RAD51B: variants seen among roughly 807,000 people sequenced by gnomAD.
RAD51B encodes the protein DNA repair protein RAD51 homolog 2.
Under a neutral mutation model 42.2 loss-of-function variants are expected in RAD51B, and 38 were observed. The ratio of observed to expected loss-of-function variants is 0.90; its 90% CI spans 0.70 to 1.18. The LOEUF (loss-of-function observed/expected upper bound fraction) is 1.18, where lower values mean the gene tolerates loss of function less well. Among genes scored for constraint, RAD51B ranks in the 50% most tolerant of loss-of-function variants. The pLI is 0.00. For missense variants in RAD51B, 373 were observed against 400.7 expected (o/e 0.93, Z 0.59); for synonymous variants, 154 against 145.2 (o/e 1.06, Z -0.43).
chr14:68,424,805 T>G (rs60995795), intron 9 of RAD51B, among the ~76,000 whole-genome samples: 29 of 152,296 alleles, frequency 1.9e-4, no homozygotes, highest in African/African-American at 7.0e-4. Flanking sequence ...GACAGGGTCT[T>G]GCTGTGTCGC....
At chr14:68,236,897 A>G (rs998679917) in intron 7 of RAD51B, among the ~76,000 whole-genome samples, 9 of 152,226 alleles carry the variant, frequency 5.9e-5, no homozygotes, top group African/African-American at 2.2e-4. Context: ...TGTCATTTGT[A>G]TGCAGCCCCT....
At chr14:68,074,687 G>T (rs1435917324) in intron 7 of RAD51B, among the ~76,000 whole-genome samples, 2 of 152,186 alleles carry the variant, frequency 1.3e-5, no homozygotes, top group Non-Finnish European at 2.9e-5. Context: ...TGTAATTTGA[G>T]TGTAGTCAGT....
intron 10 of RAD51B, among the ~76,000 whole-genome samples, chr14:68,548,315 C>A (rs1888342141): frequency 6.6e-6 from 1 of 152,152 alleles, no homozygotes; most frequent in Non-Finnish European, 1.5e-5. Flanking sequence ...CCCAGCCCAG[C>A]CCTGCCCAGC....
At chr14:68,362,943 C>G (rs2083061780) in intron 8 of RAD51B, among the ~76,000 whole-genome samples, 1 of 152,120 alleles carries the variant, frequency 6.6e-6, no homozygotes, top group African/African-American at 2.4e-5. Flanking sequence ...TTGTGAAAGG[C>G]AAATGCCTCT....
intron 10 of RAD51B, among the ~76,000 whole-genome samples, chr14:68,610,110 G>A (rs1388877509): frequency 1.3e-5 from 2 of 152,068 alleles, no homozygotes; most frequent in African/African-American, 4.8e-5. Flanking sequence ...TAGACACCCT[G>A]CAGAACTTCT....
chr14:68,087,390 C>T (rs1248778327), intron 7 of RAD51B, among the ~76,000 whole-genome samples: 2 of 152,114 alleles, frequency 1.3e-5, no homozygotes, highest in African/African-American at 4.8e-5. Flanking sequence ...TACCTCTAGC[C>T]AGTCTACCTT....
chr14:68,031,367 A>T (rs1191955078), intron 7 of RAD51B, among the ~76,000 whole-genome samples: 10 of 152,226 alleles, frequency 6.6e-5, no homozygotes, highest in African/African-American at 9.7e-5. Context: ...CCTGGGGATG[A>T]TTACAATTCA....
chr14:68,379,288 A>G (rs1379615544), intron 8 of RAD51B, among the ~76,000 whole-genome samples: 1 of 152,222 alleles, frequency 6.6e-6, no homozygotes, highest in Non-Finnish European at 1.5e-5. Context: ...TAAAATTTAT[A>G]TATTGGAGAT....
chr14:68,199,105 C>T (rs1220327833), intron 7 of RAD51B, among the ~76,000 whole-genome samples: 2 of 152,176 alleles, frequency 1.3e-5, no homozygotes, highest in Non-Finnish European at 2.9e-5. Context: ...TTATTCCTCG[C>T]ATGACATGAT....
intron 7 of RAD51B, among the ~76,000 whole-genome samples, chr14:68,056,000 T>G (rs1476723984): frequency 6.6e-6 from 1 of 152,154 alleles, no homozygotes; most frequent in African/African-American, 2.4e-5. Flanking sequence ...AAGAAATGAC[T>G]TTTTTAGTGC....
chr14:68,232,635 C>T (rs1013910081), intron 7 of RAD51B, among the ~76,000 whole-genome samples: 1 of 152,208 alleles, frequency 6.6e-6, no homozygotes, highest in African/African-American at 2.4e-5. Flanking sequence ...TTTGTCAAGT[C>T]AGAGTGAACA....
chr14:68,631,069 G>A (rs1051274173), intron 10 of RAD51B, among the ~76,000 whole-genome samples: 1 of 152,140 alleles, frequency 6.6e-6, no homozygotes, highest in African/African-American at 2.4e-5. Flanking sequence ...CGCTGAAAGT[G>A]GGATTATGTA....
At chr14:68,353,243 G>C (rs935295116) in intron 8 of RAD51B, among the ~76,000 whole-genome samples, 1 of 152,170 alleles carries the variant, frequency 6.6e-6, no homozygotes, top group Non-Finnish European at 1.5e-5. Context: ...AAAAAGTTTA[G>C]ACACTGAATT....
chr14:67,855,740 T>A (rs1394036969), intron 4 of RAD51B, among the ~76,000 whole-genome samples: 1 of 152,230 alleles, frequency 6.6e-6, no homozygotes, highest in Non-Finnish European at 1.5e-5. Context: ...ATTTTTTTGC[T>A]CATGGGTCTC....
intron 7 of RAD51B, among the ~76,000 whole-genome samples, chr14:68,036,154 A>C (rs1165598116): frequency 6.6e-6 from 1 of 152,214 alleles, no homozygotes; most frequent in Non-Finnish European, 1.5e-5. Flanking sequence ...TTTTATGAGC[A>C]TTATTTATTG....
At chr14:68,602,506 C>CTAGATAGCTAGA (rs1891262466) in intron 10 of RAD51B, among the ~76,000 whole-genome samples, 1 of 148,904 alleles carries the variant, frequency 6.7e-6, no homozygotes, top group African/African-American at 2.5e-5. Context: ...GGATGGATAG[C>CTAGATAGCTAGA]TAGATAGATA....
At chr14:68,610,843 A>ATG (rs60173412) in intron 10 of RAD51B, among the ~76,000 whole-genome samples, 2,882 of 144,938 alleles carry the variant, frequency 0.02, 56 homozygotes, top group African/African-American at 0.048. Context: ...CTGAATGTAT[A>ATG]TGTGTGTGTG....
intron 7 of RAD51B, among the ~76,000 whole-genome samples, chr14:68,255,588 G>A (rs1214401060): frequency 5.3e-5 from 8 of 152,146 alleles, no homozygotes; most frequent in African/African-American, 1.4e-4. Context: ...AGATTAGTTC[G>A]AAAGTATATA....
chr14:67,993,762 C>T lies in RAD51B; in HGVS notation c.756+106558C>T, dbSNP rs183819437. Among the ~76,000 whole-genome samples the T allele has an allele frequency of 2.0e-5, 3 of 152,108 alleles. No homozygotes were observed. The East Asian group carries it at 5.8e-4, about 29-fold the overall frequency. On this transcript the variant is annotated intron_variant, in intron 7 of 10. Coordinates refer to ENST00000471583, the MANE Select transcript of RAD51B (RefSeq NM_133510.4). ...ACTCTATTTTTAGTGGTTTTAGGAC[C>T]CTCCAAACTGTTCTCCATAGTGGTG...
Sources: gnomAD v4.1 joint callset for allele counts (sites outside exome capture counted in the v4.1 genomes callset) on GRCh38, gnomAD v4.1.1 for gene constraint, MANE v1.5 for transcripts, NCBI Gene and HGNC (gene_info 2026-07-23, HGNC 2026-07-21) for gene names.